LRP1B: variants seen among roughly 807,000 people sequenced by gnomAD.
LRP1B encodes the protein LDL receptor related protein 1B.
Under a neutral mutation model 556.6 loss-of-function variants are expected in LRP1B, and 217 were observed. The ratio of observed to expected loss-of-function variants is 0.39; its 90% confidence interval spans 0.35 to 0.44. LRP1B has a LOEUF of 0.44. Ranked by LOEUF, LRP1B falls within the 20% of genes least tolerant of loss-of-function variation. The probability of loss-of-function intolerance (pLI) is 1.00; values close to 1 mark genes in which losing one functional copy is unlikely to be tolerated. For synonymous variants in LRP1B, 2,047 were observed against 1,865.8 expected, an observed-to-expected ratio of 1.10 and a Z score of -2.50; for missense variants, 5,053 against 5,620.8, an observed-to-expected ratio of 0.90 and a Z score of 3.23.
At chr2:140,351,785 C>G (rs1020010109) in intron 76 of LRP1B, among the ~76,000 whole-genome samples, 4 of 152,020 alleles carry the variant, frequency 2.6e-5, no homozygotes, top group Non-Finnish European at 5.9e-5. Flanking sequence ...TCATGAGGTG[C>G]CTTTCAGCTC....
At chr2:140,528,081 T>G (rs568605995) in intron 47 of LRP1B, among the ~76,000 whole-genome samples, 7 of 151,778 alleles carry the variant, frequency 4.6e-5, no homozygotes, top group Non-Finnish European at 8.8e-5. Context: ...GCCTCCAATC[T>G]CCCATAGAGA....
At chr2:142,056,569 A>G (rs72849805) in intron 1 of LRP1B, among the ~76,000 whole-genome samples, 10,874 of 152,132 alleles carry the variant, frequency 0.071, 492 homozygotes, top group Non-Finnish European at 0.094. Flanking sequence ...TATTCTGGAC[A>G]GGGAAGTAGT....
chr2:141,522,513 T>C (rs1024321896), intron 2 of LRP1B, among the ~76,000 whole-genome samples: 1 of 152,240 alleles, frequency 6.6e-6, no homozygotes, highest in African/African-American at 2.4e-5. Flanking sequence ...GAAGATCAGA[T>C]CGTATCTATA....
At chr2:140,422,052 G>T (rs1184560602) in intron 66 of LRP1B, among the ~76,000 whole-genome samples, 1 of 152,162 alleles carries the variant, frequency 6.6e-6, no homozygotes, top group East Asian at 1.9e-4. Flanking sequence ...GATTAGGAGG[G>T]AAGGTAGTAC....
intron 35 of LRP1B, among the ~76,000 whole-genome samples, chr2:140,721,748 G>T (rs1687411502): frequency 6.8e-6 from 1 of 146,154 alleles, no homozygotes; most frequent in South Asian, 2.2e-4. Context: ...TAGTAAAAAC[G>T]AGGTAGCACC....
At chr2:140,274,344 A>G in intron 85 of LRP1B, 80 bp downstream of exon 85, 3 of 1,256,610 alleles carry the variant, frequency 2.4e-6, no homozygotes, top group Non-Finnish European at 3.4e-6. Flanking sequence ...CAATCTACAA[A>G]GTTTTTACTA....
At chr2:141,981,843 A>G (rs1228739725) in intron 1 of LRP1B, among the ~76,000 whole-genome samples, 2 of 152,164 alleles carry the variant, frequency 1.3e-5, no homozygotes, top group East Asian at 3.9e-4. Flanking sequence ...GTAATTAAAA[A>G]GGAGGTGTGT....
intron 1 of LRP1B, among the ~76,000 whole-genome samples, chr2:141,907,355 A>G (rs1251202612): frequency 2.0e-5 from 3 of 151,982 alleles, no homozygotes; most frequent in Non-Finnish European, 2.9e-5. Flanking sequence ...AGAGAATTTA[A>G]TAACCACTCC....
chr2:141,419,689 C>T (rs1160195509), intron 3 of LRP1B, among the ~76,000 whole-genome samples: 6 of 151,880 alleles, frequency 4.0e-5, no homozygotes, highest in African/African-American at 9.7e-5. Context: ...TTGTCAATTT[C>T]GGTGATCTGT....
chr2:141,571,480 A>G (rs1380264162), intron 2 of LRP1B, among the ~76,000 whole-genome samples: 1 of 150,648 alleles, frequency 6.6e-6, no homozygotes, highest in Admixed American at 6.6e-5. Flanking sequence ...AAAAAAAATC[A>G]AAGAAAAAAT....
intron 2 of LRP1B, among the ~76,000 whole-genome samples, chr2:141,776,678 G>T (rs1475434222): frequency 6.6e-6 from 1 of 152,158 alleles, no homozygotes; most frequent in Non-Finnish European, 1.5e-5. Flanking sequence ...TTCAAAATTT[G>T]ACACTTACTA....
chr2:141,275,019 A>C (rs1199691111), intron 3 of LRP1B, among the ~76,000 whole-genome samples: 2 of 152,144 alleles, frequency 1.3e-5, no homozygotes, highest in African/African-American at 2.4e-5. Context: ...AGAGAAAACC[A>C]AGTTGGAAAA....
chr2:141,481,218 T>C (rs147048627), intron 2 of LRP1B, among the ~76,000 whole-genome samples: 1,564 of 152,274 alleles, frequency 0.01, 19 homozygotes, highest in African/African-American at 0.035. Flanking sequence ...TAAGATAAGC[T>C]TAAATCAGAA....
chr2:140,908,115 G>A (rs753433183), intron 21 of LRP1B, 38 bp from the exon 22 acceptor site: 4 of 1,534,886 alleles, frequency 2.6e-6, no homozygotes, highest in Non-Finnish European at 3.6e-6. Context: ...TGATTTTTGT[G>A]ATTAGGTCAT....
chr2:140,297,123 C>T (rs1450691315), intron 84 of LRP1B, among the ~76,000 whole-genome samples: 1 of 151,972 alleles, frequency 6.6e-6, no homozygotes, highest in Non-Finnish European at 1.5e-5. Context: ...TTAGATGTAG[C>T]CTGGGGTTCC....
At chr2:141,894,743 A>G (rs985196202) in intron 1 of LRP1B, among the ~76,000 whole-genome samples, 6 of 151,876 alleles carry the variant, frequency 4.0e-5, no homozygotes, top group African/African-American at 1.5e-4. Context: ...CCACCTATAT[A>G]TACCCATTAA....
At chr2:141,653,371 G>T (rs1231175511) in intron 2 of LRP1B, among the ~76,000 whole-genome samples, 1 of 152,092 alleles carries the variant, frequency 6.6e-6, no homozygotes, top group Non-Finnish European at 1.5e-5. Flanking sequence ...ATTTATAATG[G>T]CTCAAGAAAA....
rs752931285 is a variant in LRP1B at position 141,419,829 on chromosome 2, ATTAT to A, written c.343+60563_343+60566del. 8.0e-5 allele frequency among the ~76,000 whole-genome samples: 12 copies of A among 150,112 alleles called. No homozygotes were observed. In the East Asian group the frequency reaches 1.4e-3, roughly 17 times the overall value. On this transcript the variant is annotated intron_variant, in intron 3 of 90. Coordinates refer to ENST00000389484, the MANE Select transcript of LRP1B (RefSeq NM_018557.3). Reference sequence around the variant, plus strand: ...CTTTTTCTACTTCTTTGAGGTATAGATTATTTATTTGAGATCTTTATTTCATTTC... The same window carrying A: ...CTTTTTCTACTTCTTTGAGGTATAGATTATTTGAGATCTTTATTTCATTTC...
chr2:141,499,211 C>T (rs1252693082), intron 2 of LRP1B, among the ~76,000 whole-genome samples: 1 of 152,060 alleles, frequency 6.6e-6, no homozygotes, highest in African/African-American at 2.4e-5. Flanking sequence ...TTGTTATTTT[C>T]ATTTTACAGG....
Sources: allele counts gnomAD v4.1 joint callset (sites outside exome capture counted in the v4.1 genomes callset), GRCh38; gene constraint gnomAD v4.1.1; transcripts MANE v1.5; gene names NCBI Gene and HGNC (gene_info 2026-07-23, HGNC 2026-07-21).